Variants in KIF16B observed in about 807,000 individuals in gnomAD.
KIF16B encodes kinesin-like protein KIF16B.
KIF16B carries 98 observed loss-of-function variants against 156.3 expected under a neutral mutation model. The ratio of observed to expected loss-of-function variants is 0.63; its 90% CI spans 0.53 to 0.74. The LOEUF is 0.74. KIF16B is among the 30% of genes least tolerant of loss of function. The pLI, the probability that KIF16B is intolerant of heterozygous loss-of-function variation, is 0.00. For missense variants in KIF16B, 1,421 were observed against 1,606.5 expected, an observed-to-expected ratio of 0.88 and a Z score of 1.97; for synonymous variants, 564 against 583.7, an observed-to-expected ratio of 0.97 and a Z score of 0.49.
intron 12 of KIF16B, among the ~76,000 whole-genome samples, chr20:16,471,221 T>C (rs1204837431): frequency 6.6e-6 from 1 of 152,152 alleles, no homozygotes; most frequent in Non-Finnish European, 1.5e-5. Context: ...CAATTTTTCA[T>C]TGAAAAGCAC....
At chr20:16,442,726 G>T (rs576660520) in intron 12 of KIF16B, among the ~76,000 whole-genome samples, 1 of 152,258 alleles carries the variant, frequency 6.6e-6, no homozygotes, top group South Asian at 2.1e-4. Flanking sequence ...TCTCTAACAG[G>T]TGAGATGTTA....
intron 25 of KIF16B, among the ~76,000 whole-genome samples, chr20:16,301,676 GACAGAGT>G (rs1390549562): frequency 2.0e-5 from 3 of 151,760 alleles, no homozygotes; most frequent in African/African-American, 4.8e-5. Flanking sequence ...TTTTTTTTGA[GACAGAGT>G]CTCACTCTGT....
intron 25 of KIF16B, among the ~76,000 whole-genome samples, chr20:16,277,235 T>C (rs1021331078): frequency 4.6e-5 from 7 of 152,322 alleles, no homozygotes; most frequent in Admixed American, 3.3e-4. Flanking sequence ...ACTTCACATC[T>C]GAACAAAACC....
At chr20:16,292,145 T>TA (rs35005749) in intron 25 of KIF16B, among the ~76,000 whole-genome samples, 49,835 of 152,050 alleles carry the variant, frequency 0.33, 8,245 homozygotes, top group East Asian at 0.39. Flanking sequence ...TACCTTTTTT[T>TA]AAAAAAATGT....
chr20:16,479,016 G>A (rs2067900138), intron 12 of KIF16B, among the ~76,000 whole-genome samples: 1 of 152,122 alleles, frequency 6.6e-6, no homozygotes. Context: ...ATTCATGGCA[G>A]CACGATTTCT....
At position 16,554,654 on chromosome 20, in the gene KIF16B, T is replaced by G. The variant is rs115767198; in HGVS notation, c.47+18575A>C. 4.5e-3 allele frequency among the ~76,000 whole-genome samples: 689 copies of G among 152,154 alleles called. 5 individuals carry two copies. Among genetic ancestry groups the G allele is most frequent in the African/African-American group, 0.015 (638 of 41,410 alleles). ...CAAAACATGTCCCTTGCTCACCACGTTGCAGGCAACAAAAAGGAGAGAAGA... is the reference window on the plus strand; with the variant it reads ...CAAAACATGTCCCTTGCTCACCACGGTGCAGGCAACAAAAAGGAGAGAAGA... On this transcript the variant is annotated intron_variant, in intron 1 of 25. Coordinates refer to ENST00000354981, the MANE Select transcript of KIF16B (RefSeq NM_024704.5).
intron 22 of KIF16B, chr20:16,367,611 A>G (rs753800993): frequency 1.2e-6 from 2 of 1,612,786 alleles, no homozygotes; most frequent in Non-Finnish European, 1.7e-6. Context: ...GGGAAGGGAC[A>G]TTGACTTCCA....
At chr20:16,338,271 C>G (rs1291075043) in intron 23 of KIF16B, among the ~76,000 whole-genome samples, 1 of 152,188 alleles carries the variant, frequency 6.6e-6, no homozygotes, top group Non-Finnish European at 1.5e-5. Flanking sequence ...GCGGTCGATA[C>G]TCTTGTTCTT....
chr20:16,286,848 C>T (rs946968307), intron 25 of KIF16B, among the ~76,000 whole-genome samples: 5 of 152,188 alleles, frequency 3.3e-5, no homozygotes, highest in African/African-American at 4.8e-5. Context: ...TGGCTCTCTT[C>T]GTTAAACCTA....
At chr20:16,491,829 G>A (rs913543193) in intron 12 of KIF16B, among the ~76,000 whole-genome samples, 14 of 152,108 alleles carry the variant, frequency 9.2e-5, no homozygotes, top group African/African-American at 1.9e-4. Flanking sequence ...CAACAGGACC[G>A]TGGATTCCAC....
intron 17 of KIF16B, among the ~76,000 whole-genome samples, chr20:16,395,088 G>C (rs1006420294): frequency 6.7e-6 from 1 of 149,750 alleles, no homozygotes; most frequent in Admixed American, 6.7e-5. Context: ...GTACAACAAA[G>C]GGCATACCCC....
chr20:16,442,348 G>GTGTGTGTGTGTGTA (rs753220723), intron 12 of KIF16B, among the ~76,000 whole-genome samples: 1 of 149,662 alleles, frequency 6.7e-6, no homozygotes, highest in African/African-American at 2.4e-5. Context: ...GTGTGTGTGT[G>GTGTGTGTGTGTGTA]TATATATATA....
intron 24 of KIF16B, among the ~76,000 whole-genome samples, chr20:16,324,608 A>G (rs2063816535): frequency 6.6e-6 from 1 of 152,050 alleles, no homozygotes; most frequent in South Asian, 2.1e-4. Flanking sequence ...TCTAGGTTTG[A>G]ATGAGTCTGT....
At chr20:16,392,477 C>T (rs2065389993) in intron 17 of KIF16B, among the ~76,000 whole-genome samples, 1 of 152,140 alleles carries the variant, frequency 6.6e-6, no homozygotes, top group Admixed American at 6.5e-5. Context: ...AGAAGGGAAA[C>T]TTGAAGATGC....
intron 4 of KIF16B, among the ~76,000 whole-genome samples, chr20:16,514,885 CAAAAAAAAAAAAA>C (rs10564862): frequency 1.2e-4 from 7 of 60,754 alleles, no homozygotes; most frequent in Admixed American, 1.1e-3. Context: ...GATTCCATCT[CAAAAAAAAAAAAA>C]AAAAAAAAAA....
chr20:16,391,612 G>C (rs1008333474), intron 17 of KIF16B, among the ~76,000 whole-genome samples: 1 of 152,230 alleles, frequency 6.6e-6, no homozygotes, highest in Non-Finnish European at 1.5e-5. Context: ...AGATGCATCT[G>C]GTGCCAACAT....
At chr20:16,294,893 C>T (rs6111026) in intron 25 of KIF16B, among the ~76,000 whole-genome samples, 36,988 of 151,952 alleles carry the variant, frequency 0.24, 4,756 homozygotes, top group Non-Finnish European at 0.29. Context: ...GCTAGGACAA[C>T]GCAGGGAGCC....
At chr20:16,280,003 T>A (rs1448777188) in intron 25 of KIF16B, among the ~76,000 whole-genome samples, 1 of 152,252 alleles carries the variant, frequency 6.6e-6, no homozygotes, top group Non-Finnish European at 1.5e-5. Context: ...TATAATTTGC[T>A]GCTACATGCT....
At chr20:16,391,766 G>A (rs76753279) in intron 17 of KIF16B, among the ~76,000 whole-genome samples, 3,638 of 152,276 alleles carry the variant, frequency 0.024, 159 homozygotes, top group African/African-American at 0.084. Flanking sequence ...AGCTAGGGTG[G>A]ACACCACTCA....
Sources: allele counts gnomAD v4.1 joint callset (sites outside exome capture counted in the v4.1 genomes callset), GRCh38; gene constraint gnomAD v4.1.1; transcripts MANE v1.5; gene names NCBI Gene and HGNC (gene_info 2026-07-23, HGNC 2026-07-21).